The following CSMD2 variants were observed in gnomAD, a reference collection of about 807,000 sequenced individuals.
CSMD2 encodes CUB and sushi domain-containing protein 2.
In CSMD2, 130 loss-of-function variants were observed where a neutral mutation model predicts 398.5. The observed-to-expected ratio is 0.33, with a 90% confidence interval of 0.28 to 0.38. The LOEUF (loss-of-function observed/expected upper bound fraction) is 0.38, where lower values mean the gene tolerates loss of function less well. Among genes scored for constraint, CSMD2 ranks in the 10% least tolerant of loss-of-function variants. CSMD2 has a pLI of 1.00. For missense variants in CSMD2, 3,829 were observed against 4,764.9 expected, an observed-to-expected ratio of 0.80 and a Z score of 5.78; for synonymous variants, 1,828 against 1,908.5, an observed-to-expected ratio of 0.96 and a Z score of 1.10.
intron 3 of CSMD2, among the ~76,000 whole-genome samples, chr1:34,029,665 C>A (rs1650161038): frequency 6.6e-6 from 1 of 152,226 alleles, no homozygotes; most frequent in Admixed American, 6.5e-5. Flanking sequence ...AGCACAGACA[C>A]CTGTGACCCA....
At chr1:33,868,416 T>G (rs1335003744) in intron 5 of CSMD2, among the ~76,000 whole-genome samples, 3 of 152,102 alleles carry the variant, frequency 2.0e-5, no homozygotes, top group African/African-American at 7.2e-5. Flanking sequence ...TCTCTCACGT[T>G]CCGGTGAGGA....
chr1:33,792,247 T>C (rs900149266), intron 11 of CSMD2, among the ~76,000 whole-genome samples, 176 bp downstream of exon 11: 23 of 152,130 alleles, frequency 1.5e-4, no homozygotes, highest in African/African-American at 5.6e-4. Context: ...CCCAGTGCTC[T>C]TTTCCCCTTG....
chr1:33,816,639 G>T (rs1657493181), intron 9 of CSMD2, among the ~76,000 whole-genome samples: 1 of 152,172 alleles, frequency 6.6e-6, no homozygotes, highest in Non-Finnish European at 1.5e-5. Context: ...TAGTTTAACA[G>T]TGTTTCACAT....
chr1:33,624,670 G>A lies in CSMD2; in HGVS notation c.5501-27C>T. 6.3e-7 allele frequency: 1 copy of A among 1,597,998 alleles called. No individual in the cohort carries two copies. The highest frequency in any genetic ancestry group is 1.1e-5 in the South Asian group (1 of 90,582). ...TGGGAGGAGAGGCCATCGGGTCAGA[G>A]GCTTTGTGGCCTCCCGTGGGAGCCT... On this transcript the variant is annotated intron_variant, in intron 34 of 70. Transcript: ENST00000373381. The surrounding 1 kb of genome is among the most constrained non-coding windows in gnomAD (Gnocchi z 4.7).
At chr1:33,779,362 T>C (rs867548633) in intron 12 of CSMD2, among the ~76,000 whole-genome samples, 10 of 152,196 alleles carry the variant, frequency 6.6e-5, no homozygotes, top group African/African-American at 1.9e-4. Flanking sequence ...CTTGGGCATG[T>C]GACTTATTTT....
chr1:33,928,828 C>T (rs578226332), intron 4 of CSMD2, among the ~76,000 whole-genome samples: 1 of 152,294 alleles, frequency 6.6e-6, no homozygotes, highest in African/African-American at 2.4e-5. Flanking sequence ...TGTTTAGTGC[C>T]TTCTCCATGT....
At chr1:33,542,286 A>G (rs1000417) in intron 58 of CSMD2, among the ~76,000 whole-genome samples, 25,090 of 152,172 alleles carry the variant, frequency 0.16, 2,588 homozygotes, top group East Asian at 0.35. Context: ...CAAGGACAGA[A>G]CGAAGCAACA....
intron 5 of CSMD2, among the ~76,000 whole-genome samples, chr1:33,904,391 A>G (rs1642948458): frequency 6.6e-6 from 1 of 152,234 alleles, no homozygotes; most frequent in South Asian, 2.1e-4. Flanking sequence ...CAACAGATCA[A>G]TGGATAAACA....
intron 4 of CSMD2, among the ~76,000 whole-genome samples, chr1:33,935,466 G>A (rs963872508): frequency 6.6e-6 from 1 of 152,180 alleles, no homozygotes; most frequent in Non-Finnish European, 1.5e-5. Flanking sequence ...GAAGAGAAAT[G>A]ATGTTTCTTC....
intron 62 of CSMD2, among the ~76,000 whole-genome samples, chr1:33,534,312 T>A (rs1209368102): frequency 6.6e-6 from 1 of 152,236 alleles, no homozygotes; most frequent in African/African-American, 2.4e-5. Context: ...TCAAATGTGA[T>A]GGCGGATTTG....
intron 32 of CSMD2, among the ~76,000 whole-genome samples, chr1:33,632,785 C>T (rs570875227): frequency 1.3e-5 from 2 of 152,146 alleles, no homozygotes; most frequent in South Asian, 4.1e-4. Context: ...GATGTATGTA[C>T]AATACATTGC....
rs763103777 is a variant in CSMD2, at chr1:33,537,439, T to G, written c.9802A>C (p.Ile3268Leu). The change falls in exon 61 of 71, where the codon ATA (isoleucine) becomes CTA (leucine). Residue 3268 changes from isoleucine (I) to leucine (L), a missense_variant. By Grantham distance (5) the Ile-to-Leu change is conservative (BLOSUM62 2). Around this residue, in one of 5 missense-constraint regions of CSMD2, gnomAD observed 917 missense variants for 1,199.5 expected, o/e 0.76. Coordinates refer to ENST00000373381, the MANE Select transcript of CSMD2 (RefSeq NM_001281956.2). This position sits in a 1 kb window ranked among gnomAD's most constrained non-coding sequence, Gnocchi z 4.6. ...GTWSGTQPSC[I>L]DPTLTTCADP... Reference sequence around the variant, plus strand: ...CCTGCTCCAGATGACCTCTCACCTATGCAGCTGGGCTGGGTGCCACTCCAT... The same window carrying G: ...CCTGCTCCAGATGACCTCTCACCTAGGCAGCTGGGCTGGGTGCCACTCCAT... 35 of 1,611,718 alleles carry G rather than the reference T, an allele frequency of 2.2e-5. No homozygotes were observed. The highest frequency in any genetic ancestry group is 3.0e-5 in the Non-Finnish European group (35 of 1,178,706).
At position 33,646,803 on chromosome 1, in the gene CSMD2, T is replaced by C. The variant is rs538450433; in HGVS notation, c.4619A>G (p.His1540Arg). 4 of 1,613,506 alleles carry C rather than the reference T, an allele frequency of 2.5e-6. No individual in the cohort carries two copies. The highest frequency in any genetic ancestry group is 4.5e-5 in the East Asian group (2 of 44,868). ...FNLEPGYDFLHIYDGRDSLSP... is the reference protein window; with the variant it reads ...FNLEPGYDFLRIYDGRDSLSP... ...GAGAGAGTCCCGTCCGTCGTAGATATGGAGGAAGTCATAGCCAGGCTCCAG... is the reference window on the plus strand; with the variant it reads ...GAGAGAGTCCCGTCCGTCGTAGATACGGAGGAAGTCATAGCCAGGCTCCAG... The change falls in exon 29 of 71, where the codon CAT (histidine) becomes CGT (arginine). Residue 1540 changes from histidine to arginine, a missense_variant. Around this residue, in one of 5 missense-constraint regions of CSMD2, gnomAD observed 2,001 missense variants for 2,567.1 expected, o/e 0.78. Transcript: ENST00000373381.
chr1:33,700,878 T>C (rs796332604), intron 22 of CSMD2, among the ~76,000 whole-genome samples: 3 of 152,228 alleles, frequency 2.0e-5, no homozygotes, highest in South Asian at 2.1e-4. Flanking sequence ...GTCAGTTCTA[T>C]GCTCAGCCCA....
chr1:34,147,223 A>C (rs868791163), intron 1 of CSMD2, among the ~76,000 whole-genome samples: 3 of 152,312 alleles, frequency 2.0e-5, no homozygotes, highest in South Asian at 4.1e-4. Context: ...GTGCCACTGC[A>C]CTCCAGCCTG....
In CSMD2 at chr1:33,523,519, T is replaced by C. The variant is rs1419603828; in HGVS notation, c.10397-100A>G. On this transcript the variant is annotated intron_variant, in intron 66 of 70. Coordinates refer to ENST00000373381, the MANE Select transcript of CSMD2 (RefSeq NM_001281956.2). ...GTGTAAGTTTCTGGATGGAATTTCA[T>C]GTGTAGATGTTGATATAAACATTCT... 9.3e-6 allele frequency: 6 copies of C among 646,978 alleles called. No homozygotes were observed. The African/African-American group carries it at 1.1e-4, about 12-fold the overall frequency. The allele number at this position is 646,978 out of a possible 1,614,324, so 40.1% of individuals were successfully genotyped here.
At chr1:33,697,613 A>G (rs182887814) in intron 24 of CSMD2, among the ~76,000 whole-genome samples, 33 of 152,044 alleles carry the variant, frequency 2.2e-4, no homozygotes, top group African/African-American at 6.3e-4. Flanking sequence ...TAGAATGTCA[A>G]CCTCCCTTCC....
At chr1:34,048,366 C>T (rs1015457205) in intron 2 of CSMD2, among the ~76,000 whole-genome samples, 2 of 152,218 alleles carry the variant, frequency 1.3e-5, no homozygotes, top group African/African-American at 4.8e-5. Flanking sequence ...GATGGAACAG[C>T]TGAGATTTAC....
At chr1:33,535,658 G>T (rs1485503813) in intron 62 of CSMD2, among the ~76,000 whole-genome samples, 3 of 152,180 alleles carry the variant, frequency 2.0e-5, no homozygotes, top group African/African-American at 7.2e-5. Context: ...GGACCAAGCT[G>T]TTTTCCAACC....
Sources: gnomAD v4.1 joint callset for allele counts (sites outside exome capture counted in the v4.1 genomes callset) on GRCh38, gnomAD v4.1.1 for gene constraint, gnomAD v4.1.1 regional missense constraint, Gnocchi (gnomAD v3.1) non-coding constraint, MANE v1.5 for transcripts, NCBI Gene and HGNC (gene_info 2026-07-23, HGNC 2026-07-21) for gene names.